Variants in GRIN2A observed in about 807,000 individuals in gnomAD.
GRIN2A encodes glutamate receptor ionotropic, NMDA 2A.
A neutral mutation model predicts 113.4 loss-of-function variants in GRIN2A; 22 were observed. That is an observed-to-expected ratio of 0.19 (90% CI 0.14 to 0.28). The LOEUF (loss-of-function observed/expected upper bound fraction) is 0.28, where lower values mean the gene tolerates loss of function less well. Among genes scored for constraint, GRIN2A ranks in the 10% least tolerant of loss-of-function variants. The probability of loss-of-function intolerance (pLI) is 1.00; values close to 1 mark genes in which losing one functional copy is unlikely to be tolerated. For synonymous variants in GRIN2A, 827 were observed against 738.4 expected (o/e 1.12, Z -1.94); for missense variants, 1,502 against 1,887.0 (o/e 0.80, Z 3.78).
intron 3 of GRIN2A, among the ~76,000 whole-genome samples, chr16:9,919,209 G>A (rs147502633): frequency 0.013 from 1,942 of 152,194 alleles, 18 homozygotes; most frequent in Non-Finnish European, 0.017. Context: ...AAAGATCAGC[G>A]ATAGGGTAGA....
At chr16:10,134,205 A>C (rs1232326586) in intron 2 of GRIN2A, among the ~76,000 whole-genome samples, 49 of 121,760 alleles carry the variant, frequency 4.0e-4, no homozygotes, top group African/African-American at 1.4e-3. Context: ...GAAAAAAAAA[A>C]AAAAAAAAAA....
intron 2 of GRIN2A, among the ~76,000 whole-genome samples, chr16:10,028,971 T>C (rs999258444): frequency 2.0e-5 from 3 of 152,212 alleles, no homozygotes; most frequent in African/African-American, 4.8e-5. Flanking sequence ...TAGCTAATGT[T>C]AATCAAGTAA....
In GRIN2A at chr16:9,754,379, A is replaced by G. The variant is rs1900276403; in HGVS notation, c.*8770T>C. The G allele has an allele frequency of 4.8e-6, 1 of 209,256 alleles. No homozygotes were observed. Among genetic ancestry groups the G allele is most frequent in the African/African-American group, 2.3e-5 (1 of 44,076 alleles). 13.0% of individuals were successfully genotyped at this position (209,256 alleles called of 1,614,324 possible). A position where few individuals can be genotyped will look rare whatever the true frequency, so the allele number is the denominator to read the frequency against. On this transcript the variant is annotated 3_prime_UTR_variant, in exon 13 of 13. Coordinates refer to ENST00000330684, the MANE Select transcript of GRIN2A (RefSeq NM_001134407.3). ...TAACTATGTCACTGCTGTGTCAAGC[A>G]GTTTTCTGAATTTTCTATGAAAATG...
intron 2 of GRIN2A, among the ~76,000 whole-genome samples, chr16:10,131,928 G>A (rs1454106276): frequency 6.6e-6 from 1 of 152,090 alleles, no homozygotes; most frequent in Non-Finnish European, 1.5e-5. Context: ...CGCTTATGAT[G>A]TGTCAGGCAC....
chr16:10,173,204 A>G (rs1195460182), intron 2 of GRIN2A, among the ~76,000 whole-genome samples: 1 of 152,222 alleles, frequency 6.6e-6, no homozygotes, highest in Non-Finnish European at 1.5e-5. Context: ...TCTCCCAGGA[A>G]CTACCTGATG....
chr16:10,117,446 T>C (rs567908074), intron 2 of GRIN2A, among the ~76,000 whole-genome samples: 3 of 152,330 alleles, frequency 2.0e-5, no homozygotes, highest in African/African-American at 4.8e-5. Flanking sequence ...ATGGTGAGTA[T>C]AGGAGAGTTA....
chr16:9,821,598 A>T (rs1426891829), intron 10 of GRIN2A, among the ~76,000 whole-genome samples: 1 of 152,068 alleles, frequency 6.6e-6, no homozygotes. Flanking sequence ...TTTCCATCAG[A>T]TTTTCTCTCT....
chr16:9,945,232 G>A (rs1442006126), intron 2 of GRIN2A, among the ~76,000 whole-genome samples: 1 of 152,080 alleles, frequency 6.6e-6, no homozygotes, highest in Non-Finnish European at 1.5e-5. Flanking sequence ...CAGGAGTGGG[G>A]TGGAGAGAGG....
chr16:9,813,680 C>T (rs2042133140), intron 10 of GRIN2A, among the ~76,000 whole-genome samples: 3 of 149,038 alleles, frequency 2.0e-5, no homozygotes, highest in African/African-American at 4.9e-5. Context: ...GAAATAATTC[C>T]AAGAACCCCA....
At chr16:9,840,834 GA>G in intron 6 of GRIN2A, 34 bp from the exon 7 acceptor site, 2 of 695,944 alleles carry the variant, frequency 2.9e-6, no homozygotes, top group South Asian at 2.5e-5. Flanking sequence ...AAAAAAAAAA[GA>G]GAGAGAGAGA....
At chr16:10,144,978 A>G (rs1596550664) in intron 2 of GRIN2A, among the ~76,000 whole-genome samples, 1 of 150,956 alleles carries the variant, frequency 6.6e-6, no homozygotes, top group East Asian at 1.9e-4. Context: ...ACATATTTAT[A>G]CAATGGAAAA....
At position 9,848,459 on chromosome 16, in the gene GRIN2A, G is replaced by A. The variant is rs142619686; in HGVS notation, c.1328+1297C>T. ...TTCAACTCCTGACCTCAAGTAATCTGCCCAGCTTGGCCTCCCAAAGTGCTG... is the reference window on the plus strand; with the variant it reads ...TTCAACTCCTGACCTCAAGTAATCTACCCAGCTTGGCCTCCCAAAGTGCTG... On this transcript the variant is annotated intron_variant, in intron 5 of 12. Transcript: ENST00000330684. Among the ~76,000 whole-genome samples, 138 of 150,946 alleles carry A rather than the reference G, an allele frequency of 9.1e-4. 1 individual carries two copies. In the East Asian group the frequency reaches 0.024, roughly 26 times the overall value.
rs545640631 is a variant in GRIN2A, at chr16:10,134,960, T to C, written c.414+45038A>G. 2.6e-5 allele frequency among the ~76,000 whole-genome samples: 4 copies of C among 152,272 alleles called. 1 individual carries two copies. The highest frequency in any genetic ancestry group is 4.1e-4 in the South Asian group (2 of 4,826). On this transcript the variant is annotated intron_variant, in intron 2 of 12. Transcript: ENST00000330684. ...CTAGCAAAAAAAAACTGTTCAGCCA[T>C]ACCCTTTCCTAACATGCTTTCCTGA...
chr16:10,129,350 G>A (rs1484668134), intron 2 of GRIN2A, among the ~76,000 whole-genome samples: 1 of 140,422 alleles, frequency 7.1e-6, no homozygotes. Flanking sequence ...AAGGACACAT[G>A]CTTTAATGGG....
At chr16:10,156,541 T>C (rs887179570) in intron 2 of GRIN2A, among the ~76,000 whole-genome samples, 1 of 152,050 alleles carries the variant, frequency 6.6e-6, no homozygotes, top group Non-Finnish European at 1.5e-5. Flanking sequence ...GGGAGGAAGA[T>C]GAAAATGGCT....
chr16:10,155,444 A>C (rs1022931082), intron 2 of GRIN2A, among the ~76,000 whole-genome samples: 2 of 152,174 alleles, frequency 1.3e-5, no homozygotes, highest in Non-Finnish European at 2.9e-5. Flanking sequence ...AGCCTCTCTG[A>C]GCCTCATATT....
chr16:9,810,201 A>G (rs1463042586), intron 10 of GRIN2A, among the ~76,000 whole-genome samples: 1 of 152,172 alleles, frequency 6.6e-6, no homozygotes, highest in East Asian at 1.9e-4. Context: ...GCAAGAATCC[A>G]CTTTGCATAC....
At chr16:10,022,596 C>G (rs1361205075) in intron 2 of GRIN2A, among the ~76,000 whole-genome samples, 1 of 152,234 alleles carries the variant, frequency 6.6e-6, no homozygotes, top group Non-Finnish European at 1.5e-5. Context: ...TCTCTTCCCT[C>G]ACCTCAGACT....
intron 2 of GRIN2A, among the ~76,000 whole-genome samples, chr16:10,051,615 A>T (rs999742016): frequency 6.6e-6 from 1 of 152,202 alleles, no homozygotes; most frequent in African/African-American, 2.4e-5. Context: ...CAGGGACTGG[A>T]CCATTCGAAT....
Sources: allele counts gnomAD v4.1 joint callset (sites outside exome capture counted in the v4.1 genomes callset), GRCh38; gene constraint gnomAD v4.1.1; transcripts MANE v1.5; gene names NCBI Gene and HGNC (gene_info 2026-07-23, HGNC 2026-07-21).